Variants in PLCXD3 observed in about 807,000 individuals in gnomAD.
PLCXD3 encodes the protein phosphatidylinositol specific phospholipase C X domain containing 3.
In PLCXD3, 19 loss-of-function variants were observed where a neutral mutation model predicts 25.5. The observed-to-expected ratio is 0.75, with a 90% confidence interval of 0.52 to 1.09. PLCXD3 has a LOEUF of 1.09. PLCXD3 is among the 50% of genes least tolerant of loss of function. The pLI is 0.00. For missense variants in PLCXD3, 411 were observed against 388.1 expected (o/e 1.06, Z -0.50); for synonymous variants, 174 against 137.6 (o/e 1.26, Z -1.85).
At chr5:41,398,964 G>A (rs761414833) in intron 1 of PLCXD3, among the ~76,000 whole-genome samples, 5 of 152,110 alleles carry the variant, frequency 3.3e-5, no homozygotes, top group Non-Finnish European at 7.4e-5. Context: ...CTAGGCTTCA[G>A]AGAACAACTA....
At chr5:41,388,782 T>C (rs1745718409) in intron 1 of PLCXD3, among the ~76,000 whole-genome samples, 1 of 152,004 alleles carries the variant, frequency 6.6e-6, no homozygotes, top group African/African-American at 2.4e-5. Flanking sequence ...AATATTAAAT[T>C]ACCAAGAAGA....
intron 1 of PLCXD3, among the ~76,000 whole-genome samples, chr5:41,505,569 G>A (rs1444209205): frequency 1.3e-5 from 2 of 152,148 alleles, no homozygotes; most frequent in African/African-American, 4.8e-5. Flanking sequence ...CTGGTCCTGT[G>A]CACCACAAAG....
chr5:41,431,453 A>G (rs1747099850), intron 1 of PLCXD3, among the ~76,000 whole-genome samples: 1 of 152,232 alleles, frequency 6.6e-6, no homozygotes, highest in Admixed American at 6.5e-5. Context: ...AGATTTATTC[A>G]TACAACACAA....
rs895785804 is a variant in PLCXD3, at chr5:41,332,078, C to A, written c.813-18308G>T. Among the ~76,000 whole-genome samples the A allele has an allele frequency of 9.2e-5, 14 of 152,070 alleles. 1 individual carries two copies. Among genetic ancestry groups the A allele is most frequent in the Admixed American group, 6.5e-5 (1 of 15,270 alleles). The stretch of plus-strand genomic sequence containing the variant: ...ACACGAAAAGCAATGGCAACAAAAG[C>A]CAAAATTGACAAATGGGATCTAATT... On this transcript the variant is annotated intron_variant, in intron 2 of 2. Transcript: ENST00000377801.
chr5:41,499,655 G>A (rs748947174), intron 1 of PLCXD3, among the ~76,000 whole-genome samples: 20 of 151,630 alleles, frequency 1.3e-4, no homozygotes, highest in East Asian at 9.7e-4. Flanking sequence ...AAATTTATAC[G>A]GAACCACATA....
rs1311150000 is a variant in PLCXD3 at position 41,376,871 on chromosome 5, G to GA, written c.812+4954dup. Among the ~76,000 whole-genome samples the GA allele has an allele frequency of 5.9e-5, 9 of 152,238 alleles. No homozygotes were observed. In the South Asian group the frequency reaches 1.0e-3, roughly 18 times the overall value. On this transcript the variant is annotated intron_variant, in intron 2 of 2. Coordinates refer to ENST00000377801, the MANE Select transcript of PLCXD3 (RefSeq NM_001005473.3). ...CCGTACTCATAGGAGCTGTTTAACA[G>GA]ATAAGGATTAAATTGAACTCGGTCT... is the stretch of plus-strand genomic sequence containing the variant.
chr5:41,364,274 G>A (rs572352787), intron 2 of PLCXD3, among the ~76,000 whole-genome samples: 1 of 152,184 alleles, frequency 6.6e-6, no homozygotes, highest in Non-Finnish European at 1.5e-5. Flanking sequence ...GAGAAACCCT[G>A]TTCAAGGATA....
chr5:41,445,608 G>A (rs1214467922), intron 1 of PLCXD3, among the ~76,000 whole-genome samples: 1 of 152,112 alleles, frequency 6.6e-6, no homozygotes, highest in East Asian at 1.9e-4. Context: ...AATTTTCTTT[G>A]AGGAAGAGAA....
At chr5:41,327,358 A>G (rs1370851564) in intron 2 of PLCXD3, among the ~76,000 whole-genome samples, 2 of 152,130 alleles carry the variant, frequency 1.3e-5, no homozygotes, top group Non-Finnish European at 2.9e-5. Context: ...TTATATGCAA[A>G]TAAAGGTTTG....
intron 1 of PLCXD3, among the ~76,000 whole-genome samples, chr5:41,460,443 A>G (rs1034809152): frequency 2.6e-5 from 4 of 151,792 alleles, no homozygotes; most frequent in East Asian, 1.9e-4. Flanking sequence ...TTTTAAAGTC[A>G]GAGAAACTTT....
chr5:41,410,940 C>A (rs1451718403), intron 1 of PLCXD3, among the ~76,000 whole-genome samples: 1 of 152,126 alleles, frequency 6.6e-6, no homozygotes, highest in Non-Finnish European at 1.5e-5. Flanking sequence ...GGTGGCAGAC[C>A]CTGCAGTTTG....
chr5:41,314,932 T>C (rs1191762321), intron 2 of PLCXD3, among the ~76,000 whole-genome samples: 1 of 152,134 alleles, frequency 6.6e-6, no homozygotes, highest in Non-Finnish European at 1.5e-5. Context: ...AAGGAAAGTC[T>C]TCTGAAAACC....
intron 1 of PLCXD3, among the ~76,000 whole-genome samples, chr5:41,388,511 G>T (rs1018603572): frequency 6.6e-5 from 10 of 152,044 alleles, no homozygotes; most frequent in Non-Finnish European, 1.2e-4. Flanking sequence ...CATTTGATCA[G>T]ATTGTGCTGC....
intron 1 of PLCXD3, among the ~76,000 whole-genome samples, chr5:41,470,052 G>A (rs1365863388): frequency 6.6e-6 from 1 of 152,148 alleles, no homozygotes; most frequent in Non-Finnish European, 1.5e-5. Flanking sequence ...CAGACCAGCA[G>A]CTCTGTCCAG....
intron 2 of PLCXD3, among the ~76,000 whole-genome samples, chr5:41,349,422 G>C (rs1353768093): frequency 3.9e-5 from 6 of 152,154 alleles, no homozygotes; most frequent in Admixed American, 3.3e-4. Flanking sequence ...ATGGTTAAAT[G>C]CTCCTATTGG....
chr5:41,366,966 G>A (rs1040514294), intron 2 of PLCXD3, among the ~76,000 whole-genome samples: 1 of 152,100 alleles, frequency 6.6e-6, no homozygotes, highest in African/African-American at 2.4e-5. Flanking sequence ...CAAAAGACAT[G>A]ATCTCCTCCT....
intron 1 of PLCXD3, chr5:41,475,792 T>G (rs2150521385): frequency 1.9e-6 from 1 of 521,830 alleles, no homozygotes; most frequent in South Asian, 1.4e-5. Flanking sequence ...CTGTTACTAC[T>G]TGAGACCATC....
intron 1 of PLCXD3, among the ~76,000 whole-genome samples, chr5:41,432,913 C>G (rs963984936): frequency 3.3e-5 from 5 of 152,228 alleles, no homozygotes; most frequent in African/African-American, 1.2e-4. Flanking sequence ...CCTATACACT[C>G]TGTCCACATC....
chr5:41,421,527 C>A (rs1746822751), intron 1 of PLCXD3, among the ~76,000 whole-genome samples: 1 of 151,720 alleles, frequency 6.6e-6, no homozygotes, highest in South Asian at 2.1e-4. Context: ...CGGTGAAACC[C>A]CGTCTCTACT....
Sources: gnomAD v4.1 joint callset for allele counts (sites outside exome capture counted in the v4.1 genomes callset) on GRCh38, gnomAD v4.1.1 for gene constraint, MANE v1.5 for transcripts, NCBI Gene and HGNC (gene_info 2026-07-23, HGNC 2026-07-21) for gene names.